Variants in PALM2AKAP2 observed in about 807,000 individuals in gnomAD.
PALM2AKAP2 encodes the protein PALM2-AKAP2 fusion protein.
Under a neutral mutation model 71.5 loss-of-function variants are expected in PALM2AKAP2, and 37 were observed. The observed-to-expected ratio is 0.52, with a 90% CI of 0.40 to 0.68. PALM2AKAP2 has a LOEUF of 0.68. Among genes scored for constraint, PALM2AKAP2 ranks in the 30% least tolerant of loss-of-function variants. The pLI, the probability that PALM2AKAP2 is intolerant of heterozygous loss-of-function variation, is 0.00. For synonymous variants in PALM2AKAP2, 468 were observed against 478.8 expected (o/e 0.98, Z 0.29); for missense variants, 1,224 against 1,191.8 (o/e 1.03, Z -0.40).
At chr9:109,737,260 T>TTACA (rs1828651026) in intron 1 of PALM2AKAP2, among the ~76,000 whole-genome samples, 1 of 152,224 alleles carries the variant, frequency 6.6e-6, no homozygotes, top group Non-Finnish European at 1.5e-5. Context: ...CATGACCAAC[T>TTACA]TACAGGTCCA....
intron 2 of PALM2AKAP2, among the ~76,000 whole-genome samples, chr9:110,149,990 A>G (rs1013460526): frequency 3.3e-5 from 5 of 152,148 alleles, no homozygotes; most frequent in Admixed American, 1.3e-4. Flanking sequence ...CTGTCCCGCA[A>G]ATTCGTATAC....
At chr9:109,788,021 A>G (rs1333266262) in intron 1 of PALM2AKAP2, among the ~76,000 whole-genome samples, 1 of 152,222 alleles carries the variant, frequency 6.6e-6, no homozygotes, top group East Asian at 1.9e-4. Context: ...TGTTTGGATC[A>G]TTGGATAAAT....
intron 2 of PALM2AKAP2, among the ~76,000 whole-genome samples, chr9:110,144,651 C>T (rs1294646253): frequency 6.6e-6 from 1 of 152,134 alleles, no homozygotes; most frequent in African/African-American, 2.4e-5. Flanking sequence ...GGTTCTGGGT[C>T]AACACCCTGT....
chr9:109,715,290 A>G (rs559146176), intron 1 of PALM2AKAP2, among the ~76,000 whole-genome samples: 6 of 152,336 alleles, frequency 3.9e-5, no homozygotes, highest in African/African-American at 1.4e-4. Flanking sequence ...AAAGTGGTCC[A>G]GTCAAAAAGG....
chr9:109,836,208 AT>A (rs1828471348), intron 1 of PALM2AKAP2, among the ~76,000 whole-genome samples: 1 of 152,162 alleles, frequency 6.6e-6, no homozygotes. Context: ...AGGCAGCAAC[AT>A]TTGCTGTTCA....
intron 3 of PALM2AKAP2, among the ~76,000 whole-genome samples, chr9:109,901,565 T>G (rs952748052): frequency 1.3e-5 from 2 of 152,214 alleles, no homozygotes; most frequent in Non-Finnish European, 1.5e-5. Context: ...AGAGTCAGAA[T>G]AGCAGATTGG....
intron 7 of PALM2AKAP2, among the ~76,000 whole-genome samples, chr9:110,026,003 C>G (rs1426876771): frequency 6.6e-6 from 1 of 152,102 alleles, no homozygotes. Flanking sequence ...GATCACTGCC[C>G]TCTCCACCAC....
At chr9:109,692,779 G>A (rs981362137) in intron 1 of PALM2AKAP2, among the ~76,000 whole-genome samples, 2 of 151,922 alleles carry the variant, frequency 1.3e-5, no homozygotes, top group Non-Finnish European at 2.9e-5. Flanking sequence ...TGCCTTTGGG[G>A]ATGAACCTCC....
chr9:110,071,738 C>T (rs769822762), intron 1 of PALM2AKAP2, among the ~76,000 whole-genome samples: 3 of 152,114 alleles, frequency 2.0e-5, no homozygotes, highest in Non-Finnish European at 2.9e-5. Flanking sequence ...TAAATTTCGG[C>T]TAAAATTATG....
intron 7 of PALM2AKAP2, among the ~76,000 whole-genome samples, chr9:110,031,598 G>T (rs773457951): frequency 6.6e-6 from 1 of 152,160 alleles, no homozygotes; most frequent in Non-Finnish European, 1.5e-5. Context: ...ACCCTATGAG[G>T]TGGGTACTAG....
intron 1 of PALM2AKAP2, among the ~76,000 whole-genome samples, chr9:109,787,917 T>G (rs1827011832): frequency 6.6e-6 from 1 of 152,272 alleles, no homozygotes. Context: ...ATAAGGATAC[T>G]GTGAAGTAAG....
chr9:110,110,231 A>G (rs1317322002), intron 1 of PALM2AKAP2, among the ~76,000 whole-genome samples: 2 of 152,246 alleles, frequency 1.3e-5, no homozygotes, highest in Non-Finnish European at 2.9e-5. Flanking sequence ...ATCAGAATAA[A>G]TAAATAGTCC....
intron 6 of PALM2AKAP2, among the ~76,000 whole-genome samples, chr9:109,999,894 G>T (rs1295828298): frequency 6.6e-6 from 1 of 151,702 alleles, no homozygotes; most frequent in Non-Finnish European, 1.5e-5. Flanking sequence ...AGGATCCCCT[G>T]TGTACTTAGC....
intron 3 of PALM2AKAP2, among the ~76,000 whole-genome samples, chr9:109,908,365 C>T (rs1830495872): frequency 1.3e-5 from 2 of 152,198 alleles, no homozygotes; most frequent in Non-Finnish European, 2.9e-5. Flanking sequence ...TTAGGCAGGA[C>T]ACACTGCAGG....
chr9:109,741,204 G>A (rs1828711657), intron 1 of PALM2AKAP2, among the ~76,000 whole-genome samples: 1 of 152,100 alleles, frequency 6.6e-6, no homozygotes, highest in African/African-American at 2.4e-5. Flanking sequence ...CTGGAACTTT[G>A]TAAAAATGAA....
intron 1 of PALM2AKAP2, among the ~76,000 whole-genome samples, chr9:109,796,298 A>G (rs1182283157): frequency 6.6e-6 from 1 of 152,254 alleles, no homozygotes; most frequent in Non-Finnish European, 1.5e-5. Flanking sequence ...TCAGCAAAAT[A>G]TTAGAAAACT....
In PALM2AKAP2 at chr9:110,069,752, G is replaced by C. The variant is rs541665072; in HGVS notation, c.156+20897G>C. Among the ~76,000 whole-genome samples the C allele has an allele frequency of 4.6e-5, 7 of 152,296 alleles. No homozygotes were observed. The South Asian group carries it at 1.5e-3, about 32-fold the overall frequency. ...TCTGCTTTGCAGAACCTGTGTCTTT[G>C]GGGTACAAGTGAGCTGGAGGTGGAG... On this transcript the variant is annotated intron_variant, in intron 1 of 3. Coordinates refer to ENST00000374525, the Ensembl canonical transcript of PALM2AKAP2.
intron 1 of PALM2AKAP2, among the ~76,000 whole-genome samples, chr9:109,830,416 G>A (rs1158524698): frequency 1.3e-5 from 2 of 152,114 alleles, no homozygotes; most frequent in Admixed American, 6.6e-5. Context: ...ATCAAACCAG[G>A]GGCTGGTGTT....
chr9:109,819,497 C>T (rs1052217592), intron 1 of PALM2AKAP2, among the ~76,000 whole-genome samples: 2 of 152,110 alleles, frequency 1.3e-5, no homozygotes, highest in African/African-American at 2.4e-5. Flanking sequence ...GAGATTTTGA[C>T]GTGGCCAATA....
Sources: allele counts gnomAD v4.1 joint callset (sites outside exome capture counted in the v4.1 genomes callset), GRCh38; gene constraint gnomAD v4.1.1; transcripts MANE v1.5; gene names NCBI Gene and HGNC (gene_info 2026-07-23, HGNC 2026-07-21).